Variants in BAALC observed in about 807,000 individuals in gnomAD.
BAALC encodes the protein brain and acute leukemia cytoplasmic protein.
In BAALC, 9 loss-of-function variants were observed where a neutral mutation model predicts 15.5. The ratio of observed to expected loss-of-function variants is 0.58; its 90% CI spans 0.35 to 1.02. The LOEUF is 1.02. BAALC is among the 50% of genes least tolerant of loss of function. BAALC has a pLI of 0.02. For missense variants in BAALC, 201 were observed against 192.4 expected, an observed-to-expected ratio of 1.04 and a Z score of -0.27; for synonymous variants, 80 against 74.6, an observed-to-expected ratio of 1.07 and a Z score of -0.37.
At chr8:103,221,040 G>T (rs1008189954) in intron 2 of BAALC, among the ~76,000 whole-genome samples, 2 of 152,168 alleles carry the variant, frequency 1.3e-5, no homozygotes, top group African/African-American at 4.8e-5. Context: ...AAAGGTATCT[G>T]CAGTCTTGAA....
intron 1 of BAALC, among the ~76,000 whole-genome samples, chr8:103,173,202 T>C (rs1243739938): frequency 6.6e-6 from 1 of 152,188 alleles, no homozygotes; most frequent in Non-Finnish European, 1.5e-5. Flanking sequence ...TGCAAGTTGG[T>C]GCATCTAAGG....
At chr8:103,204,046 A>T (rs117788791) in intron 1 of BAALC, among the ~76,000 whole-genome samples, 3,230 of 152,312 alleles carry the variant, frequency 0.021, 43 homozygotes, top group Middle Eastern at 0.037. Flanking sequence ...CCAGCAGTGT[A>T]TGAGATTTCC....
At chr8:103,184,914 G>T (rs1293819310) in intron 1 of BAALC, among the ~76,000 whole-genome samples, 2 of 152,192 alleles carry the variant, frequency 1.3e-5, no homozygotes, top group Non-Finnish European at 2.9e-5. Flanking sequence ...AGTCTGATCA[G>T]TGTGGGAACT....
intron 1 of BAALC, among the ~76,000 whole-genome samples, chr8:103,172,823 C>T (rs988889622): frequency 2.0e-5 from 3 of 152,058 alleles, no homozygotes; most frequent in African/African-American, 7.2e-5. Context: ...AACTTGAATG[C>T]TTTTTTAAAA....
At chr8:103,213,224 C>T in intron 2 of BAALC, 139 bp downstream of exon 2, 2 of 1,014,826 alleles carry the variant, frequency 2.0e-6, no homozygotes, top group Admixed American at 5.9e-5. Context: ...CTGCCCCACC[C>T]ATGTAAAAAT....
In BAALC at chr8:103,140,829, C is replaced by T. The variant is rs942668018; in HGVS notation, c.-69C>T. The T allele has an allele frequency of 7.5e-7, 1 of 1,332,758 alleles. No individual in the cohort carries two copies. Among genetic ancestry groups the T allele is most frequent in the African/African-American group, 1.6e-5 (1 of 64,370 alleles). The allele number at this position is 1,332,758 out of a possible 1,614,324, so 82.6% of individuals were successfully genotyped here. A position where few individuals can be genotyped will look rare whatever the true frequency, so the allele number is the denominator to read the frequency against. On this transcript the variant is annotated 5_prime_UTR_variant, in exon 1 of 3. Coordinates refer to ENST00000309982, the MANE Select transcript of BAALC (RefSeq NM_024812.3). This position sits in a 1 kb window ranked among gnomAD's most constrained non-coding sequence, Gnocchi z 4.2. ...CGCCTCCTTGCGGGCCGGGGCTGCG[C>T]CTCCGGGGCTGAGCCGCCGCCAGAG...
chr8:103,156,349 G>T (rs932284306), intron 1 of BAALC, among the ~76,000 whole-genome samples: 3 of 152,230 alleles, frequency 2.0e-5, no homozygotes, highest in African/African-American at 7.2e-5. Context: ...GTTCATCAAA[G>T]TATTAGAGAT....
chr8:103,226,792 C>G (rs1041079578), intron 2 of BAALC, among the ~76,000 whole-genome samples: 4 of 152,168 alleles, frequency 2.6e-5, no homozygotes, highest in African/African-American at 9.7e-5. Context: ...TAGTGACAGT[C>G]ATTGTACTAA....
At chr8:103,208,482 T>C (rs1002933560) in intron 1 of BAALC, 22 of 152,370 alleles carry the variant, frequency 1.4e-4, no homozygotes, top group South Asian at 1.2e-3. Context: ...ACCTCAGTTA[T>C]GGCAGCTCTG....
intron 1 of BAALC, among the ~76,000 whole-genome samples, chr8:103,186,622 G>T (rs984063220): frequency 1.3e-5 from 2 of 151,978 alleles, no homozygotes. Flanking sequence ...GCTACCCCAG[G>T]GACTCTTGAT....
At chr8:103,184,681 A>T (rs1811794409) in intron 1 of BAALC, among the ~76,000 whole-genome samples, 1 of 152,240 alleles carries the variant, frequency 6.6e-6, no homozygotes, top group Non-Finnish European at 1.5e-5. Context: ...ATGTGAGTGT[A>T]TATGGGAGGG....
At chr8:103,183,602 G>A (rs78171567) in intron 1 of BAALC, among the ~76,000 whole-genome samples, 13,127 of 152,150 alleles carry the variant, frequency 0.086, 776 homozygotes, top group African/African-American at 0.17. Flanking sequence ...GGCAGTGGGT[G>A]GACACTCAGG....
chr8:103,178,378 A>G (rs1342201802), intron 1 of BAALC, among the ~76,000 whole-genome samples: 2 of 152,212 alleles, frequency 1.3e-5, no homozygotes, highest in Admixed American at 6.5e-5. Flanking sequence ...GTACAAATAT[A>G]CAAATGAGTA....
chr8:103,155,561 C>T (rs1297280414), intron 1 of BAALC, among the ~76,000 whole-genome samples: 1 of 152,242 alleles, frequency 6.6e-6, no homozygotes, highest in East Asian at 1.9e-4. Flanking sequence ...AGGTCATTTC[C>T]TTCCACAGGA....
intron 1 of BAALC, among the ~76,000 whole-genome samples, chr8:103,188,052 T>C (rs1811883800): frequency 6.6e-6 from 1 of 152,162 alleles, no homozygotes. Flanking sequence ...AACAGGTCTA[T>C]ATTGGCTCAG....
intron 1 of BAALC, among the ~76,000 whole-genome samples, chr8:103,212,659 A>G (rs1812473208): frequency 6.6e-6 from 1 of 152,254 alleles, no homozygotes; most frequent in South Asian, 2.1e-4. Flanking sequence ...GTGAAAAATA[A>G]CATGGCAGAA....
intron 1 of BAALC, among the ~76,000 whole-genome samples, chr8:103,192,085 C>T (rs1342494460): frequency 6.6e-6 from 1 of 152,138 alleles, no homozygotes; most frequent in East Asian, 1.9e-4. Context: ...GAGTTTCACT[C>T]TTGTTGCCCA....
intron 1 of BAALC, chr8:103,197,984 A>G (rs1812132778): frequency 7.3e-6 from 4 of 548,226 alleles, no homozygotes; most frequent in Middle Eastern, 2.7e-4. Context: ...CCTTTTAAAC[A>G]TTGCTCAAGA....
At chr8:103,168,744 C>T (rs1811408369) in intron 1 of BAALC, among the ~76,000 whole-genome samples, 1 of 152,078 alleles carries the variant, frequency 6.6e-6, no homozygotes, top group African/African-American at 2.4e-5. Context: ...TTTCCTTAGC[C>T]TCTCTCCTGT....
Sources: gnomAD v4.1 joint callset for allele counts (sites outside exome capture counted in the v4.1 genomes callset) on GRCh38, gnomAD v4.1.1 for gene constraint, Gnocchi (gnomAD v3.1) non-coding constraint, MANE v1.5 for transcripts, NCBI Gene and HGNC (gene_info 2026-07-23, HGNC 2026-07-21) for gene names.